The following HIVEP2 variants were observed in gnomAD, a reference collection of about 807,000 sequenced individuals.
The protein encoded by HIVEP2 is HIVEP zinc finger 2.
HIVEP2 carries 14 observed loss-of-function variants against 180.7 expected under a neutral mutation model. The ratio of observed to expected loss-of-function variants is 0.08; its 90% CI spans 0.05 to 0.12. The LOEUF (loss-of-function observed/expected upper bound fraction) is 0.12, where lower values mean the gene tolerates loss of function less well. Ranked by LOEUF, HIVEP2 falls within the 10% of genes least tolerant of loss-of-function variation. The pLI, the probability that HIVEP2 is intolerant of heterozygous loss-of-function variation, is 1.00. For synonymous variants in HIVEP2, 1,184 were observed against 1,136.4 expected, an observed-to-expected ratio of 1.04 and a Z score of -0.84; for missense variants, 2,579 against 3,008.5, an observed-to-expected ratio of 0.86 and a Z score of 3.34.
intron 5 of HIVEP2, 122 bp from the exon 6 acceptor site, chr6:142,768,658 A>G: frequency 1.1e-6 from 1 of 883,712 alleles, no homozygotes; most frequent in Non-Finnish European, 1.7e-6. Flanking sequence ...GCCAGGAACT[A>G]GTTATATAAA....
chr6:142,862,680 C>T (rs2114961060), intron 1 of HIVEP2, among the ~76,000 whole-genome samples: 1 of 140,466 alleles, frequency 7.1e-6, no homozygotes, highest in African/African-American at 2.6e-5. Context: ...TGTACTATAT[C>T]TATTACATTT....
At chr6:142,876,966 T>C (rs570213512) in intron 1 of HIVEP2, among the ~76,000 whole-genome samples, 1 of 152,286 alleles carries the variant, frequency 6.6e-6, no homozygotes, top group African/African-American at 2.4e-5. Context: ...AGAGGATCAC[T>C]TGAGCCCAGG....
At chr6:142,877,005 C>T (rs1776456825) in intron 1 of HIVEP2, among the ~76,000 whole-genome samples, 1 of 152,182 alleles carries the variant, frequency 6.6e-6, no homozygotes, top group South Asian at 2.1e-4. Context: ...GCTGAGATCG[C>T]ACCACTGCAC....
Position 142,808,358 on chromosome 6 carries a change from C to T in HIVEP2, c.-527-24743G>A, listed in dbSNP as rs59218934. The stretch of plus-strand genomic sequence containing the variant: ...AGGGAGGGAGGGATGAAGGAAGGGA[C>T]GGATGGAAGAGATAGAGGCAGGGAT... On this transcript the variant is annotated intron_variant, in intron 2 of 9. Transcript: ENST00000367603. Among the ~76,000 whole-genome samples, 741 of 131,158 alleles carry T rather than the reference C, an allele frequency of 5.6e-3. 4 individuals are homozygous for T. The highest frequency in any genetic ancestry group is 0.02 in the African/African-American group (688 of 34,804). The allele number at this position is 131,158 out of a possible 152,430, so 86.0% of individuals were successfully genotyped here.
In HIVEP2 at chr6:142,772,534, C is replaced by T; in HGVS notation, c.2205G>A (p.Gln735=). The change falls in exon 5 of 10, where the codon CAG becomes CAA. Residue 735 remains glutamine, a synonymous_variant. Transcript: ENST00000367603. The surrounding 1 kb of genome is among the most constrained non-coding windows in gnomAD (Gnocchi z 4.9). The part of the protein sequence containing the change: ...ASDYDPKLQM[Q]EGVRSGFAMA... ...TGGCAAATCCACTCCTGACTCCTTC[C>T]TGCATCTGCAGTTTGGGGTCATAAT... The T allele has an allele frequency of 6.2e-7, 1 of 1,614,142 alleles. No homozygotes were observed. The highest frequency in any genetic ancestry group is 8.5e-7 in the Non-Finnish European group (1 of 1,180,046).
chr6:142,836,223 A>C, intron 2 of HIVEP2, among the ~76,000 whole-genome samples: 1 of 152,196 alleles, frequency 6.6e-6, no homozygotes, highest in Non-Finnish European at 1.5e-5. Flanking sequence ...TAAAAAAATT[A>C]CCAAGCCCTA....
intron 1 of HIVEP2, among the ~76,000 whole-genome samples, chr6:142,889,612 T>C (rs1390330811): frequency 6.6e-6 from 1 of 152,216 alleles, no homozygotes; most frequent in African/African-American, 2.4e-5. Flanking sequence ...ACATAACCTC[T>C]CTGAACCTTA....
At chr6:142,941,274 C>T (rs951843284) in intron 1 of HIVEP2, among the ~76,000 whole-genome samples, 3 of 152,142 alleles carry the variant, frequency 2.0e-5, no homozygotes, top group African/African-American at 7.2e-5. Context: ...TTTCCCACGA[C>T]GATTTTGGAG....
At chr6:142,897,514 T>C (rs922804440) in intron 1 of HIVEP2, among the ~76,000 whole-genome samples, 7 of 152,182 alleles carry the variant, frequency 4.6e-5, no homozygotes, top group Non-Finnish European at 1.0e-4. Flanking sequence ...TGGAATTCAA[T>C]ACAGTAATGA....
intron 2 of HIVEP2, among the ~76,000 whole-genome samples, chr6:142,813,128 ATCTT>A (rs1350525586): frequency 6.6e-6 from 1 of 152,136 alleles, no homozygotes; most frequent in Middle Eastern, 3.2e-3. Context: ...TCACTTTATA[ATCTT>A]TCTATTGATG....
chr6:142,899,325 T>C (rs1351570688), intron 1 of HIVEP2, among the ~76,000 whole-genome samples: 2 of 152,224 alleles, frequency 1.3e-5, no homozygotes, highest in Admixed American at 6.5e-5. Context: ...CTTAGTCCTC[T>C]GTCAAGCCTC....
intron 2 of HIVEP2, among the ~76,000 whole-genome samples, chr6:142,836,220 A>AT (rs1775218288): frequency 6.6e-6 from 1 of 152,186 alleles, no homozygotes; most frequent in South Asian, 2.1e-4. Context: ...TTTTAAAAAA[A>AT]TTACCAAGCC....
chr6:142,786,020 C>T (rs1204714353), intron 2 of HIVEP2, among the ~76,000 whole-genome samples: 1 of 152,070 alleles, frequency 6.6e-6, no homozygotes, highest in Non-Finnish European at 1.5e-5. Context: ...CAGTAATGGC[C>T]TCTACATGGG....
intron 1 of HIVEP2, among the ~76,000 whole-genome samples, chr6:142,875,222 T>C (rs532189193): frequency 6.6e-6 from 1 of 152,082 alleles, no homozygotes; most frequent in African/African-American, 2.4e-5. Context: ...GATATGCAGG[T>C]AAAAAGCACT....
At chr6:142,908,292 C>T (rs1049759079) in intron 1 of HIVEP2, among the ~76,000 whole-genome samples, 4 of 152,168 alleles carry the variant, frequency 2.6e-5, no homozygotes, top group Non-Finnish European at 4.4e-5. Context: ...TCCAACCCAT[C>T]GCTGCTTCTA....
intron 2 of HIVEP2, among the ~76,000 whole-genome samples, chr6:142,802,955 G>T (rs1239692796): frequency 2.0e-5 from 3 of 151,982 alleles, no homozygotes; most frequent in African/African-American, 7.3e-5. Context: ...AAAATAAATT[G>T]AGTTTAAAGA....
At chr6:142,823,681 C>T (rs1277292379) in intron 2 of HIVEP2, among the ~76,000 whole-genome samples, 2 of 152,194 alleles carry the variant, frequency 1.3e-5, no homozygotes, top group African/African-American at 4.8e-5. Context: ...AACAATTGCA[C>T]ATGGCACTTG....
chr6:142,893,887 C>T (rs983372064), intron 1 of HIVEP2, among the ~76,000 whole-genome samples: 14 of 152,114 alleles, frequency 9.2e-5, no homozygotes, highest in African/African-American at 3.4e-4. Context: ...ATATATTATT[C>T]TAAGGGTTCA....
chr6:142,790,619 A>C (rs1562519825), intron 2 of HIVEP2, among the ~76,000 whole-genome samples: 1 of 152,240 alleles, frequency 6.6e-6, no homozygotes, highest in African/African-American at 2.4e-5. Context: ...ATACATAAAT[A>C]AGGTCATGAT....
Sources: allele counts gnomAD v4.1 joint callset (sites outside exome capture counted in the v4.1 genomes callset), GRCh38; gene constraint gnomAD v4.1.1; non-coding constraint Gnocchi (gnomAD v3.1); transcripts MANE v1.5; gene names NCBI Gene and HGNC (gene_info 2026-07-23, HGNC 2026-07-21).